The following PID1 variants were observed in gnomAD, a reference collection of about 807,000 sequenced individuals.
The protein encoded by PID1 is phosphotyrosine interaction domain containing 1, also known as PTB-containing, cubilin and LRP1-interacting protein.
A neutral mutation model predicts 19.1 loss-of-function variants in PID1; 10 were observed. The ratio of observed to expected loss-of-function variants is 0.52; its 90% CI spans 0.32 to 0.89. The LOEUF is 0.89. Among genes scored for constraint, PID1 ranks in the 40% least tolerant of loss-of-function variants. The pLI is 0.03. For missense variants in PID1, 248 were observed against 285.3 expected, an observed-to-expected ratio of 0.87 and a Z score of 0.94; for synonymous variants, 130 against 116.0, an observed-to-expected ratio of 1.12 and a Z score of -0.78.
At chr2:229,041,783 A>G (rs903045981) in intron 2 of PID1, among the ~76,000 whole-genome samples, 2 of 151,948 alleles carry the variant, frequency 1.3e-5, no homozygotes, top group African/African-American at 2.4e-5. Context: ...AACCCCCTGA[A>G]CCCAATCTTA....
chr2:229,059,757 AT>A (rs1694174870), intron 2 of PID1, among the ~76,000 whole-genome samples: 1 of 152,152 alleles, frequency 6.6e-6, no homozygotes, highest in Admixed American at 6.5e-5. Context: ...GTTAAATGAC[AT>A]TTTTACCTCA....
chr2:229,088,636 T>C (rs1408535208), intron 2 of PID1, among the ~76,000 whole-genome samples: 6 of 152,034 alleles, frequency 3.9e-5, no homozygotes, highest in Non-Finnish European at 5.9e-5. Flanking sequence ...TAAATACAGA[T>C]GGTGTCAGTG....
chr2:229,256,222 A>G (rs1028970622), intron 1 of PID1, among the ~76,000 whole-genome samples: 1 of 152,198 alleles, frequency 6.6e-6, no homozygotes, highest in Admixed American at 6.5e-5. Flanking sequence ...ATGGAACAGC[A>G]GCTGCTCAGT....
intron 1 of PID1, among the ~76,000 whole-genome samples, chr2:229,212,835 G>A (rs1035942528): frequency 2.0e-5 from 3 of 152,026 alleles, no homozygotes; most frequent in Admixed American, 2.0e-4. Flanking sequence ...TCAGAAGGCA[G>A]GAGCTCCCAC....
intron 1 of PID1, among the ~76,000 whole-genome samples, chr2:229,160,442 C>A (rs12995479): frequency 7.2e-5 from 11 of 152,104 alleles, no homozygotes; most frequent in African/African-American, 2.4e-4. Context: ...ATTGTGCAAC[C>A]TCAGCTACCT....
intron 2 of PID1, among the ~76,000 whole-genome samples, chr2:229,049,210 G>A (rs1163310547): frequency 2.0e-5 from 3 of 151,582 alleles, no homozygotes; most frequent in Non-Finnish European, 4.4e-5. Context: ...TATCATCTTT[G>A]CTAATTTGAC....
chr2:229,133,608 A>G (rs922213535), intron 2 of PID1, among the ~76,000 whole-genome samples: 1 of 152,242 alleles, frequency 6.6e-6, no homozygotes, highest in Non-Finnish European at 1.5e-5. Flanking sequence ...ATATTGTTAC[A>G]GGTTACCTGA....
intron 1 of PID1, among the ~76,000 whole-genome samples, chr2:229,179,895 A>G (rs1489140095): frequency 6.6e-6 from 1 of 152,190 alleles, no homozygotes; most frequent in Non-Finnish European, 1.5e-5. Flanking sequence ...CTCTGCTCAG[A>G]AACAGGCCCA....
Position 229,085,903 on chromosome 2 carries a change from T to C in PID1, c.178-59795A>G, listed in dbSNP as rs368534642. Among the ~76,000 whole-genome samples the C allele has an allele frequency of 5.9e-5, 9 of 152,170 alleles. No individual in the cohort carries two copies. In the East Asian group the frequency reaches 1.5e-3, roughly 26 times the overall value. On this transcript the variant is annotated intron_variant, in intron 2 of 2. Coordinates refer to ENST00000392055, the MANE Select transcript of PID1 (RefSeq NM_001100818.2). ...CTGATTAAAGCTTCTGAAAAATCAG[T>C]TGAGGGGAAATCTGTCTATTATTAT...
At chr2:229,188,983 T>C (rs1007789862) in intron 1 of PID1, among the ~76,000 whole-genome samples, 4 of 152,114 alleles carry the variant, frequency 2.6e-5, no homozygotes, top group African/African-American at 9.7e-5. Context: ...TAAGTGCTCC[T>C]CAGATCAAAG....
chr2:229,165,926 A>T (rs1451789856), intron 1 of PID1, among the ~76,000 whole-genome samples: 1 of 152,234 alleles, frequency 6.6e-6, no homozygotes, highest in Non-Finnish European at 1.5e-5. Context: ...GTTGAAGGAC[A>T]CAAAATCAAT....
chr2:229,236,112 C>T (rs1029078895), intron 1 of PID1, among the ~76,000 whole-genome samples: 1 of 151,990 alleles, frequency 6.6e-6, no homozygotes, highest in Non-Finnish European at 1.5e-5. Flanking sequence ...GCATACAAGT[C>T]TACCAACGAC....
intron 1 of PID1, among the ~76,000 whole-genome samples, chr2:229,177,727 TTCATCA>T (rs375569112): frequency 2.0e-5 from 3 of 151,742 alleles, no homozygotes; most frequent in Non-Finnish European, 4.4e-5. Flanking sequence ...CCTGGCATCT[TTCATCA>T]TCATCATCAT....
At chr2:229,266,738 C>T (rs567203053) in intron 1 of PID1, among the ~76,000 whole-genome samples, 1 of 152,288 alleles carries the variant, frequency 6.6e-6, no homozygotes, top group South Asian at 2.1e-4. Context: ...CTCTAAAATG[C>T]GGATAAAAGT....
intron 1 of PID1, among the ~76,000 whole-genome samples, chr2:229,269,449 CA>C (rs1236090749): frequency 6.6e-6 from 1 of 152,162 alleles, no homozygotes; most frequent in Non-Finnish European, 1.5e-5. Context: ...CTTGAATAGT[CA>C]AAAATCTACA....
chr2:229,228,211 G>A, intron 1 of PID1: 2 of 361,912 alleles, frequency 5.5e-6, no homozygotes, highest in Non-Finnish European at 1.1e-5. Context: ...TTCATTAAAT[G>A]AGAACTTGTG....
intron 1 of PID1, among the ~76,000 whole-genome samples, chr2:229,225,642 C>A (rs1692062150): frequency 6.6e-6 from 1 of 152,134 alleles, no homozygotes; most frequent in Non-Finnish European, 1.5e-5. Context: ...CTAATAAAGA[C>A]ATACATGGGA....
At chr2:229,120,012 C>G (rs1393924264) in intron 2 of PID1, among the ~76,000 whole-genome samples, 1 of 152,180 alleles carries the variant, frequency 6.6e-6, no homozygotes, top group African/African-American at 2.4e-5. Flanking sequence ...CCCAGACCTA[C>G]AAACTACACC....
chr2:229,255,213 AG>A (rs1305982514), intron 1 of PID1, among the ~76,000 whole-genome samples: 2 of 152,162 alleles, frequency 1.3e-5, no homozygotes, highest in Non-Finnish European at 2.9e-5. Context: ...AGATGGGTTG[AG>A]GGTGGGAGAT....
Sources: gnomAD v4.1 joint callset for allele counts (sites outside exome capture counted in the v4.1 genomes callset) on GRCh38, gnomAD v4.1.1 for gene constraint, MANE v1.5 for transcripts, NCBI Gene and HGNC (gene_info 2026-07-23, HGNC 2026-07-21) for gene names.